Variants in CCNY observed in about 807,000 individuals in gnomAD.
The protein encoded by CCNY is cyclin Y, also known as cyclin-Y.
A neutral mutation model predicts 42.8 loss-of-function variants in CCNY; 19 were observed. That is an observed-to-expected ratio of 0.44 (90% CI 0.31 to 0.65). The LOEUF (loss-of-function observed/expected upper bound fraction) is 0.65, where lower values mean the gene tolerates loss of function less well. CCNY is among the 30% of genes least tolerant of loss of function. CCNY has a pLI of 0.07. For missense variants in CCNY, 370 were observed against 437.3 expected, an observed-to-expected ratio of 0.85 and a Z score of 1.37; for synonymous variants, 165 against 162.7, an observed-to-expected ratio of 1.01 and a Z score of -0.11.
upstream of CCNY, among the ~76,000 whole-genome samples, chr10:35,332,842 G>A (rs1456070225): frequency 6.6e-6 from 1 of 152,156 alleles, no homozygotes; most frequent in Non-Finnish European, 1.5e-5. Flanking sequence ...CTGACCTCGT[G>A]ATCCACTCAC....
intron 1 of CCNY, among the ~76,000 whole-genome samples, chr10:35,355,636 C>T (rs1262295141): frequency 1.6e-5 from 2 of 126,690 alleles, no homozygotes; most frequent in Non-Finnish European, 3.1e-5. Context: ...CAATATTGCG[C>T]CATTGCACTC....
chr10:35,563,412 A>G (rs1841504197), intron 8 of CCNY, among the ~76,000 whole-genome samples: 1 of 152,192 alleles, frequency 6.6e-6, no homozygotes, highest in Admixed American at 6.5e-5. Context: ...GGGCAGGATT[A>G]TCAGGCTGTT....
At chr10:35,278,516 T>C (rs1419957872) in intron 3 of CCNY, among the ~76,000 whole-genome samples, 1 of 152,092 alleles carries the variant, frequency 6.6e-6, no homozygotes, top group African/African-American at 2.4e-5. Context: ...TCAATTTTCT[T>C]AGATATTCCC....
intron 4 of CCNY, among the ~76,000 whole-genome samples, chr10:35,524,067 C>T (rs1840601531): frequency 6.6e-6 from 1 of 152,174 alleles, no homozygotes; most frequent in South Asian, 2.1e-4. Context: ...GAAACTAATT[C>T]CTCCCTTTCC....
At chr10:35,475,240 C>T (rs901422843) in intron 1 of CCNY, among the ~76,000 whole-genome samples, 4 of 152,054 alleles carry the variant, frequency 2.6e-5, no homozygotes, top group Non-Finnish European at 5.9e-5. Flanking sequence ...GAGAATTTCC[C>T]CAATCTAGCA....
intron 3 of CCNY, chr10:35,321,114 T>TA (rs57608664): frequency 0.013 from 1,556 of 121,874 alleles, 16 homozygotes; most frequent in Non-Finnish European, 0.015. Context: ...AGGCTTTGTC[T>TA]AAAAAAAAAA....
At chr10:35,353,232 A>G (rs1429885961) in intron 1 of CCNY, among the ~76,000 whole-genome samples, 2 of 152,154 alleles carry the variant, frequency 1.3e-5, no homozygotes, top group Admixed American at 6.5e-5. Flanking sequence ...TGGTGGGTAT[A>G]TGTTCCTTTT....
intron 3 of CCNY, among the ~76,000 whole-genome samples, chr10:35,280,865 A>G (rs1019361757): frequency 1.3e-5 from 2 of 152,250 alleles, no homozygotes; most frequent in African/African-American, 4.8e-5. Context: ...AGCAACTTGT[A>G]TATAGACTAC....
intron 1 of CCNY, among the ~76,000 whole-genome samples, chr10:35,452,297 T>A (rs1838935764): frequency 6.6e-6 from 1 of 152,220 alleles, no homozygotes; most frequent in Non-Finnish European, 1.5e-5. Context: ...GTTCTATAAC[T>A]AAGACTGTTT....
At chr10:35,514,926 C>A (rs1235444817) in intron 3 of CCNY, among the ~76,000 whole-genome samples, 1 of 152,140 alleles carries the variant, frequency 6.6e-6, no homozygotes, top group Non-Finnish European at 1.5e-5. Flanking sequence ...TTTAGTTTAT[C>A]ACCTATGGTA....
intron 3 of CCNY, among the ~76,000 whole-genome samples, chr10:35,259,617 C>T (rs1589003492): frequency 6.7e-6 from 1 of 148,536 alleles, no homozygotes; most frequent in East Asian, 2.0e-4. Context: ...ATTCTCCTGC[C>T]TCAGCCTTCC....
At chr10:35,477,769 T>C (rs1001882737) in intron 1 of CCNY, among the ~76,000 whole-genome samples, 11 of 152,106 alleles carry the variant, frequency 7.2e-5, no homozygotes, top group Non-Finnish European at 1.5e-4. Flanking sequence ...TTCAACATAG[T>C]GTTGGAAGTT....
At chr10:35,519,709 C>T (rs1451964078) in intron 4 of CCNY, among the ~76,000 whole-genome samples, 1 of 151,552 alleles carries the variant, frequency 6.6e-6, no homozygotes, top group Non-Finnish European at 1.5e-5. Flanking sequence ...CTGCACTGCA[C>T]ACATCTGAAA....
At chr10:35,370,819 C>T (rs1028447443) in intron 1 of CCNY, among the ~76,000 whole-genome samples, 1 of 151,500 alleles carries the variant, frequency 6.6e-6, no homozygotes, top group Non-Finnish European at 1.5e-5. Context: ...GGGTTCATGC[C>T]ATTCTCCTGC....
At chr10:35,415,497 T>C (rs1838004544) in intron 1 of CCNY, among the ~76,000 whole-genome samples, 3 of 150,646 alleles carry the variant, frequency 2.0e-5, no homozygotes, top group Middle Eastern at 3.7e-3. Context: ...CTTTGTGGAC[T>C]CTCAGAGGAG....
intron 1 of CCNY, among the ~76,000 whole-genome samples, chr10:35,450,746 TAAG>T (rs1264054744): frequency 1.3e-5 from 2 of 152,042 alleles, no homozygotes; most frequent in Non-Finnish European, 2.9e-5. Context: ...TATTTCTTAA[TAAG>T]AAATGCCTAT....
chr10:35,516,385 T>G, intron 3 of CCNY, 138 bp from the exon 4 acceptor site: 2 of 680,778 alleles, frequency 2.9e-6, no homozygotes, highest in Non-Finnish European at 5.2e-6. Context: ...TTTGTACTGT[T>G]CTTGGTGGTA....
intron 1 of CCNY, among the ~76,000 whole-genome samples, chr10:35,383,077 C>T (rs1837224915): frequency 6.6e-6 from 1 of 152,118 alleles, no homozygotes; most frequent in Admixed American, 6.5e-5. Flanking sequence ...GGATGCAAAA[C>T]CTGCGTGACC....
chr10:35,297,392 A>G (rs1429180883), intron 3 of CCNY, among the ~76,000 whole-genome samples: 4 of 152,206 alleles, frequency 2.6e-5, no homozygotes. Flanking sequence ...ACCCACAGCC[A>G]ACATCATACT....
Sources: gnomAD v4.1 joint callset for allele counts (sites outside exome capture counted in the v4.1 genomes callset) on GRCh38, gnomAD v4.1.1 for gene constraint, MANE v1.5 for transcripts, NCBI Gene and HGNC (gene_info 2026-07-23, HGNC 2026-07-21) for gene names.